The following NFX1 variants were observed in gnomAD, a reference collection of about 807,000 sequenced individuals.
NFX1 encodes nuclear transcription factor, X-box binding 1.
Under a neutral mutation model 137.2 loss-of-function variants are expected in NFX1, and 69 were observed. The observed-to-expected ratio is 0.50, with a 90% CI of 0.41 to 0.61. The LOEUF is 0.61. Among genes scored for constraint, NFX1 ranks in the 20% least tolerant of loss-of-function variants. NFX1 has a pLI of 0.00. For missense variants in NFX1, 1,167 were observed against 1,391.0 expected (o/e 0.84, Z 2.56); for synonymous variants, 495 against 474.1 (o/e 1.04, Z -0.57).
intron 1 of NFX1, among the ~76,000 whole-genome samples, chr9:33,292,263 G>A (rs764732191): frequency 1.3e-5 from 2 of 152,130 alleles, no homozygotes; most frequent in Non-Finnish European, 2.9e-5. Flanking sequence ...GTTTGATTTT[G>A]CTTTAGTTCC....
chr9:33,368,118 A>G (rs1379985661), intron 23 of NFX1, among the ~76,000 whole-genome samples: 1 of 152,044 alleles, frequency 6.6e-6, no homozygotes, highest in African/African-American at 2.4e-5. Flanking sequence ...ACCTGTAAAC[A>G]CAGCTACTTG....
intron 9 of NFX1, among the ~76,000 whole-genome samples, chr9:33,322,839 A>G (rs989888573): frequency 6.6e-6 from 1 of 152,202 alleles, no homozygotes; most frequent in Admixed American, 6.5e-5. Context: ...AGAAAATGAT[A>G]ACATACCTTA....
chr9:33,328,986 G>C (rs547720023), intron 10 of NFX1, among the ~76,000 whole-genome samples: 7 of 152,294 alleles, frequency 4.6e-5, no homozygotes, highest in African/African-American at 1.7e-4. Flanking sequence ...TGAAAGTTCA[G>C]TGGTCCCTAA....
At chr9:33,324,268 A>G (rs1822496557) in intron 9 of NFX1, among the ~76,000 whole-genome samples, 1 of 152,114 alleles carries the variant, frequency 6.6e-6, no homozygotes, top group East Asian at 1.9e-4. Flanking sequence ...AATCCTGGCT[A>G]TTTGGAAGGC....
At chr9:33,339,426 A>C (rs1318882066) in intron 12 of NFX1, among the ~76,000 whole-genome samples, 3 of 152,134 alleles carry the variant, frequency 2.0e-5, no homozygotes, top group Non-Finnish European at 2.9e-5. Context: ...ACAGCACAAG[A>C]AAGACCTGCC....
chr9:33,360,901 T>G (rs896163902), intron 19 of NFX1, among the ~76,000 whole-genome samples: 4 of 152,196 alleles, frequency 2.6e-5, no homozygotes, highest in African/African-American at 9.7e-5. Context: ...TGGTGCAGTG[T>G]AAATGAAAAT....
intron 7 of NFX1, 45 bp from the exon 8 acceptor site, chr9:33,318,686 C>T (rs780823681): frequency 1.3e-6 from 2 of 1,510,618 alleles, no homozygotes; most frequent in Non-Finnish European, 1.8e-6. Context: ...TTTTAAGAAC[C>T]CATACATGTT....
chr9:33,327,897 G>T (rs1373424733), intron 9 of NFX1, among the ~76,000 whole-genome samples: 1 of 152,200 alleles, frequency 6.6e-6, no homozygotes, highest in Non-Finnish European at 1.5e-5. Context: ...ATAATCCCCA[G>T]ATGACTTTCA....
At chr9:33,368,396 A>T (rs369721785) in intron 23 of NFX1, among the ~76,000 whole-genome samples, 15 of 152,362 alleles carry the variant, frequency 9.8e-5, no homozygotes, top group African/African-American at 3.4e-4. Context: ...GAGAAAAGAA[A>T]ACCAAGTTGG....
intron 19 of NFX1, among the ~76,000 whole-genome samples, chr9:33,355,509 C>T (rs1314007320): frequency 1.3e-5 from 2 of 152,028 alleles, no homozygotes; most frequent in Admixed American, 1.3e-4. Context: ...CCTGTTGTTG[C>T]ATGTAGCAAT....
rs1246088696 is a variant in NFX1 at position 33,351,914 on chromosome 9, A to G, written c.2655+124A>G. ...TAAGGGTCATTGGTTGCAAATAACC[A>G]CAAGTTAGAGAAAGGTAGAGTAAGT... On this transcript the variant is annotated intron_variant, in intron 16 of 23. Coordinates refer to ENST00000379540, the MANE Select transcript of NFX1 (RefSeq NM_002504.6). 1.0e-5 allele frequency: 9 copies of G among 857,830 alleles called. No individual in the cohort carries two copies. In the Admixed American group the frequency reaches 2.7e-4, roughly 26 times the overall value. The allele number at this position is 857,830 out of a possible 1,614,324, so 53.1% of individuals were successfully genotyped here.
intron 3 of NFX1, among the ~76,000 whole-genome samples, chr9:33,302,746 T>G (rs1821618091): frequency 6.6e-6 from 1 of 151,290 alleles, no homozygotes; most frequent in Non-Finnish European, 1.5e-5. Context: ...CTCGGCTCAC[T>G]GCAGCCTCCA....
At chr9:33,362,158 C>T (rs1824013716) in intron 19 of NFX1, among the ~76,000 whole-genome samples, 1 of 151,298 alleles carries the variant, frequency 6.6e-6, no homozygotes, top group Non-Finnish European at 1.5e-5. Flanking sequence ...AAAGGGAACA[C>T]TTACACATTC....
chr9:33,356,476 G>T (rs1199937657), intron 19 of NFX1, among the ~76,000 whole-genome samples: 1 of 151,750 alleles, frequency 6.6e-6, no homozygotes, highest in East Asian at 1.9e-4. Flanking sequence ...AAGAACTCTT[G>T]TTGTCTTTTG....
At position 33,301,325 on chromosome 9, in the gene NFX1, C is replaced by T. The variant is rs1436594571; in HGVS notation, c.1096C>T (p.Arg366Cys). ...YECMVCCELV[R>C]VTAPVWSCQS... ...GTGCATGGTGTGCTGTGAATTGGTTCGTGTCACGGCCCCAGTGTGGAGTTG... is the reference window on the plus strand; with the variant it reads ...GTGCATGGTGTGCTGTGAATTGGTTTGTGTCACGGCCCCAGTGTGGAGTTG... Residue 366 changes from arginine to cysteine, a missense_variant, in exon 3 of 24, where the codon CGT (arginine) becomes TGT (cysteine). Arg to Cys is a radical substitution (Grantham distance 180, BLOSUM62 -3). Coordinates refer to ENST00000379540, the MANE Select transcript of NFX1 (RefSeq NM_002504.6). 14 of 1,614,088 alleles carry T rather than the reference C, an allele frequency of 8.7e-6. No homozygotes were observed. The highest frequency in any genetic ancestry group is 1.1e-5 in the Non-Finnish European group (13 of 1,180,016).
chr9:33,312,884 C>CA, intron 6 of NFX1, among the ~76,000 whole-genome samples: 1 of 152,056 alleles, frequency 6.6e-6, no homozygotes, highest in East Asian at 1.9e-4. Flanking sequence ...TAAACAACAA[C>CA]AAAAAAGGAC....
intron 12 of NFX1, among the ~76,000 whole-genome samples, chr9:33,341,799 C>T (rs926573788): frequency 1.3e-5 from 2 of 151,066 alleles, no homozygotes; most frequent in Non-Finnish European, 2.9e-5. Context: ...TTTCATAACC[C>T]GGTCTCTAAA....
At chr9:33,310,864 A>G (rs1426750073) in intron 5 of NFX1, among the ~76,000 whole-genome samples, 1 of 152,228 alleles carries the variant, frequency 6.6e-6, no homozygotes, top group Non-Finnish European at 1.5e-5. Flanking sequence ...TATAACCAGT[A>G]TTTTGACTTG....
intron 7 of NFX1, among the ~76,000 whole-genome samples, chr9:33,314,022 C>A (rs1252328368): frequency 6.6e-6 from 1 of 151,982 alleles, no homozygotes; most frequent in African/African-American, 2.4e-5. Flanking sequence ...CTCACTCTGC[C>A]GCCCAGGCTG....
Sources: allele counts gnomAD v4.1 joint callset (sites outside exome capture counted in the v4.1 genomes callset), GRCh38; gene constraint gnomAD v4.1.1; transcripts MANE v1.5; gene names NCBI Gene and HGNC (gene_info 2026-07-23, HGNC 2026-07-21).